The following PARD3 variants were observed in gnomAD, a reference collection of about 807,000 sequenced individuals.
PARD3 encodes par-3 family cell polarity regulator.
Under a neutral mutation model 155.4 loss-of-function variants are expected in PARD3, and 75 were observed. The ratio of observed to expected loss-of-function variants is 0.48; its 90% CI spans 0.40 to 0.58. The LOEUF (loss-of-function observed/expected upper bound fraction) is 0.58. Ranked by LOEUF, PARD3 falls within the 20% of genes least tolerant of loss-of-function variation. The probability of loss-of-function intolerance (pLI) is 0.00; values close to 1 mark genes in which losing one functional copy is unlikely to be tolerated. For missense variants in PARD3, 1,642 were observed against 1,721.7 expected, an observed-to-expected ratio of 0.95 and a Z score of 0.82; for synonymous variants, 576 against 610.5, an observed-to-expected ratio of 0.94 and a Z score of 0.83.
intron 20 of PARD3, among the ~76,000 whole-genome samples, chr10:34,289,158 C>T (rs757701816): frequency 2.6e-4 from 40 of 151,750 alleles, no homozygotes; most frequent in African/African-American, 3.4e-4. Context: ...GGTAGAGATG[C>T]GGTTTCCCAT....
chr10:34,509,351 G>A (rs927566004), intron 3 of PARD3, among the ~76,000 whole-genome samples: 5 of 152,058 alleles, frequency 3.3e-5, no homozygotes, highest in Admixed American at 1.3e-4. Flanking sequence ...TGAAAACAAG[G>A]GGGTCAAGGT....
intron 2 of PARD3, 65 bp downstream of exon 2, chr10:34,696,253 C>T (rs1355553024): frequency 2.4e-6 from 2 of 830,616 alleles, no homozygotes; most frequent in East Asian, 2.5e-5. Flanking sequence ...AAGAATCGCA[C>T]CCGCTCCCTA....
intron 22 of PARD3, among the ~76,000 whole-genome samples, chr10:34,193,262 A>T (rs1220231874): frequency 6.6e-6 from 1 of 152,218 alleles, no homozygotes; most frequent in Non-Finnish European, 1.5e-5. Flanking sequence ...ACAATTTGCA[A>T]GAAATGTTGA....
At chr10:34,405,923 A>C (rs1844416373) in intron 5 of PARD3, among the ~76,000 whole-genome samples, 1 of 152,144 alleles carries the variant, frequency 6.6e-6, no homozygotes, top group African/African-American at 2.4e-5. Flanking sequence ...GAGATCTTAT[A>C]CCTATCTTGC....
intron 5 of PARD3, among the ~76,000 whole-genome samples, chr10:34,446,557 A>G (rs997761553): frequency 1.2e-4 from 19 of 152,256 alleles, no homozygotes; most frequent in Admixed American, 2.6e-4. Flanking sequence ...TTCTGGGTCC[A>G]TGAGAAACTA....
chr10:34,405,437 C>A (rs569986367), intron 5 of PARD3, among the ~76,000 whole-genome samples: 1 of 152,218 alleles, frequency 6.6e-6, no homozygotes, highest in East Asian at 1.9e-4. Context: ...AATTTAGAAA[C>A]TTGCTGACAC....
At chr10:34,746,398 A>G (rs1835337957) in intron 1 of PARD3, among the ~76,000 whole-genome samples, 1 of 152,010 alleles carries the variant, frequency 6.6e-6, no homozygotes, top group African/African-American at 2.4e-5. Flanking sequence ...ATAGTGAGGT[A>G]TGATCACCCA....
intron 2 of PARD3, among the ~76,000 whole-genome samples, chr10:34,539,770 G>A (rs190198690): frequency 1.2e-4 from 18 of 152,312 alleles, no homozygotes; most frequent in African/African-American, 4.3e-4. Flanking sequence ...ATGTAAAAGT[G>A]TATGATGGTG....
At chr10:34,446,339 G>T (rs2076738713) in intron 5 of PARD3, among the ~76,000 whole-genome samples, 1 of 152,002 alleles carries the variant, frequency 6.6e-6, no homozygotes, top group Non-Finnish European at 1.5e-5. Context: ...TCTGTTACCT[G>T]TCCTATTATA....
intron 1 of PARD3, among the ~76,000 whole-genome samples, chr10:34,742,978 T>C (rs2095045926): frequency 6.6e-6 from 1 of 152,208 alleles, no homozygotes; most frequent in Admixed American, 6.5e-5. Context: ...CATTTATTAA[T>C]ATCGCCAAGC....
At chr10:34,628,362 A>T (rs1025703444) in intron 2 of PARD3, among the ~76,000 whole-genome samples, 1 of 152,240 alleles carries the variant, frequency 6.6e-6, no homozygotes, top group Non-Finnish European at 1.5e-5. Context: ...GAAATCTCTA[A>T]TACGTCCATT....
At chr10:34,642,371 C>CCT (rs1269704399) in intron 2 of PARD3, among the ~76,000 whole-genome samples, 3 of 152,050 alleles carry the variant, frequency 2.0e-5, no homozygotes, top group African/African-American at 7.2e-5. Context: ...CCTTGACCCT[C>CCT]CTCTTCCTTG....
chr10:34,284,527 C>T (rs1036548012), intron 20 of PARD3, among the ~76,000 whole-genome samples: 1 of 152,116 alleles, frequency 6.6e-6, no homozygotes, highest in Admixed American at 6.5e-5. Context: ...GTGGTTTATC[C>T]TTATTAAACA....
At chr10:34,331,406 T>G (rs11009737) in intron 18 of PARD3, 62 bp from the exon 19 acceptor site, 1 of 1,049,572 alleles carries the variant, frequency 9.5e-7, no homozygotes, top group South Asian at 1.4e-5. Flanking sequence ...TACCTGAATA[T>G]GCACTGTCGA....
At chr10:34,662,086 A>G (rs2093340392) in intron 2 of PARD3, among the ~76,000 whole-genome samples, 1 of 152,130 alleles carries the variant, frequency 6.6e-6, no homozygotes, top group South Asian at 2.1e-4. Context: ...CTCGGCTGAC[A>G]TCTCGGAGTG....
At chr10:34,228,180 G>A (rs1039186967) in intron 22 of PARD3, among the ~76,000 whole-genome samples, 3 of 151,782 alleles carry the variant, frequency 2.0e-5, no homozygotes, top group South Asian at 2.1e-4. Flanking sequence ...AATACTGTAC[G>A]TTCTCAATTA....
chr10:34,123,784 T>C (rs1947131972), intron 23 of PARD3, among the ~76,000 whole-genome samples: 2 of 152,038 alleles, frequency 1.3e-5, no homozygotes, highest in African/African-American at 4.8e-5. Context: ...AATAAAATCA[T>C]TGCTTCAAAA....
At chr10:34,201,500 C>T (rs1439786193) in intron 22 of PARD3, among the ~76,000 whole-genome samples, 2 of 152,160 alleles carry the variant, frequency 1.3e-5, no homozygotes, top group Admixed American at 6.5e-5. Context: ...GCCATCTATA[C>T]TAAGGGCATA....
At chr10:34,285,575 C>CA (rs1052160950) in intron 20 of PARD3, among the ~76,000 whole-genome samples, 4,177 of 130,954 alleles carry the variant, frequency 0.032, 184 homozygotes, top group African/African-American at 0.1. Flanking sequence ...GACCTTATTT[C>CA]AAAAAAAAAA....
Sources: gnomAD v4.1 joint callset for allele counts (sites outside exome capture counted in the v4.1 genomes callset) on GRCh38, gnomAD v4.1.1 for gene constraint, MANE v1.5 for transcripts, NCBI Gene and HGNC (gene_info 2026-07-23, HGNC 2026-07-21) for gene names.